The following LMX1A variants were observed in gnomAD, a reference collection of about 807,000 sequenced individuals.
LMX1A encodes the protein LIM homeobox transcription factor 1-alpha.
In LMX1A, 15 loss-of-function variants were observed where a neutral mutation model predicts 49.1. That is an observed-to-expected ratio of 0.31 (90% CI 0.20 to 0.47). LMX1A has a LOEUF of 0.47. Among genes scored for constraint, LMX1A ranks in the 20% least tolerant of loss-of-function variants. The probability of loss-of-function intolerance (pLI) is 1.00; values close to 1 mark genes in which losing one functional copy is unlikely to be tolerated. For missense variants in LMX1A, 372 were observed against 475.8 expected, an observed-to-expected ratio of 0.78 and a Z score of 2.03; for synonymous variants, 167 against 185.7, an observed-to-expected ratio of 0.90 and a Z score of 0.82.
At chr1:165,238,396 TATAAAC>T (rs1165053482) in intron 4 of LMX1A, among the ~76,000 whole-genome samples, 1 of 152,204 alleles carries the variant, frequency 6.6e-6, no homozygotes, top group Non-Finnish European at 1.5e-5. Flanking sequence ...GTTGAATAAT[TATAAAC>T]ATAAAACAAA....
At chr1:165,290,724 T>G (rs1654444292) in intron 3 of LMX1A, among the ~76,000 whole-genome samples, 2 of 152,192 alleles carry the variant, frequency 1.3e-5, no homozygotes, top group Admixed American at 6.5e-5. Flanking sequence ...GATCACAGAC[T>G]CTCAGATTTG....
rs565517132 is a variant in LMX1A, at chr1:165,281,803, T to C, written c.264-32163A>G. Reference sequence around the variant, plus strand: ...AGCCACTGTCCTTTCAAAATGAAGCTATATTGCTTAGCATATTGATAAATG... The same window carrying C: ...AGCCACTGTCCTTTCAAAATGAAGCCATATTGCTTAGCATATTGATAAATG... On this transcript the variant is annotated intron_variant, in intron 3 of 8. Coordinates refer to ENST00000342310, the MANE Select transcript of LMX1A (RefSeq NM_177398.4). Among the ~76,000 whole-genome samples the C allele has an allele frequency of 3.3e-5, 5 of 152,194 alleles. No homozygotes were observed. In the East Asian group the frequency reaches 9.7e-4, roughly 29 times the overall value.
chr1:165,242,224 G>A (rs554344857), intron 4 of LMX1A, among the ~76,000 whole-genome samples: 2 of 152,300 alleles, frequency 1.3e-5, no homozygotes, highest in East Asian at 1.9e-4. Flanking sequence ...TCGCAGAGCA[G>A]TTCAGACTGC....
intron 3 of LMX1A, among the ~76,000 whole-genome samples, chr1:165,336,864 T>C (rs1330316887): frequency 6.6e-6 from 1 of 152,184 alleles, no homozygotes; most frequent in Non-Finnish European, 1.5e-5. Context: ...ACAAACAATA[T>C]ATTTAAATAC....
intron 3 of LMX1A, among the ~76,000 whole-genome samples, chr1:165,261,696 T>C (rs1653446033): frequency 6.6e-6 from 1 of 152,162 alleles, no homozygotes. Context: ...AATGGAATAT[T>C]ATTCAGCCTT....
intron 3 of LMX1A, among the ~76,000 whole-genome samples, chr1:165,286,035 T>A (rs1162511800): frequency 6.6e-6 from 1 of 152,164 alleles, no homozygotes; most frequent in Non-Finnish European, 1.5e-5. Context: ...CCCTGAGTGG[T>A]TGCTGTACAG....
intron 3 of LMX1A, among the ~76,000 whole-genome samples, chr1:165,314,618 T>A (rs76177241): frequency 2.0e-5 from 3 of 152,304 alleles, no homozygotes; most frequent in Admixed American, 6.5e-5. Context: ...TCTTTTTTTT[T>A]ATTACCTCTC....
intron 3 of LMX1A, among the ~76,000 whole-genome samples, chr1:165,340,235 T>C (rs1459824425): frequency 6.6e-6 from 1 of 152,106 alleles, no homozygotes; most frequent in Non-Finnish European, 1.5e-5. Context: ...CCCGAGTACA[T>C]GGGACCACAG....
chr1:165,317,326 T>G (rs875822), intron 3 of LMX1A, among the ~76,000 whole-genome samples: 19,468 of 152,196 alleles, frequency 0.13, 1,484 homozygotes, highest in African/African-American at 0.2. Flanking sequence ...TACCTGAATA[T>G]TTTTACAGGG....
At chr1:165,317,151 G>GCA (rs1341319803) in intron 3 of LMX1A, among the ~76,000 whole-genome samples, 1 of 152,170 alleles carries the variant, frequency 6.6e-6, no homozygotes. Context: ...GCTTATCTGA[G>GCA]GGGTGCTCTG....
intron 3 of LMX1A, among the ~76,000 whole-genome samples, chr1:165,348,419 A>G (rs973634054): frequency 4.8e-4 from 73 of 152,204 alleles, no homozygotes; most frequent in African/African-American, 1.7e-3. Context: ...TCCAAAATTA[A>G]AAAGAGAGAA....
Position 165,202,385 on chromosome 1 carries a change from G to A in LMX1A, c.*1495C>T, listed in dbSNP as rs1161758794. The A allele has an allele frequency of 6.6e-6, 1 of 152,604 alleles. No individual in the cohort carries two copies. The highest frequency in any genetic ancestry group is 1.9e-4 in the East Asian group (1 of 5,176). 9.5% of individuals were successfully genotyped at this position (152,604 alleles called of 1,614,324 possible). A position where few individuals can be genotyped will look rare whatever the true frequency, so the allele number is the denominator to read the frequency against. ...TCTGTGCCGAGGATCAGAGGAGTGA[G>A]TTGGAAGGAAGAGCCAAGGGTTTCC... On this transcript the variant is annotated 3_prime_UTR_variant, in exon 9 of 9. Coordinates refer to ENST00000342310, the MANE Select transcript of LMX1A (RefSeq NM_177398.4).
chr1:165,324,042 A>G (rs771594548), intron 3 of LMX1A, among the ~76,000 whole-genome samples: 88 of 152,224 alleles, frequency 5.8e-4, no homozygotes, highest in Admixed American at 1.3e-3. Flanking sequence ...ATGTAGCTAC[A>G]CTAATAGCCT....
At chr1:165,305,208 G>A (rs181152971) in intron 3 of LMX1A, among the ~76,000 whole-genome samples, 6 of 152,222 alleles carry the variant, frequency 3.9e-5, no homozygotes, top group Non-Finnish European at 5.9e-5. Flanking sequence ...AACAGGTAGC[G>A]GTAATTTAGC....
chr1:165,248,618 G>A (rs979914712), intron 4 of LMX1A, among the ~76,000 whole-genome samples: 7 of 152,142 alleles, frequency 4.6e-5, no homozygotes, highest in Non-Finnish European at 7.3e-5. Context: ...AGGGAGGGTC[G>A]AGCGGGTGGT....
chr1:165,223,672 A>G (rs1255925045), intron 4 of LMX1A, among the ~76,000 whole-genome samples: 1 of 152,176 alleles, frequency 6.6e-6, no homozygotes, highest in African/African-American at 2.4e-5. Context: ...CCAAATACCC[A>G]GAGCACGTGT....
chr1:165,327,207 G>C (rs1030284290), intron 3 of LMX1A, among the ~76,000 whole-genome samples: 5 of 152,138 alleles, frequency 3.3e-5, no homozygotes, highest in Admixed American at 2.6e-4. Flanking sequence ...AGAGATATAA[G>C]GAGAGGACTG....
chr1:165,284,993 G>T (rs947119278), intron 3 of LMX1A, among the ~76,000 whole-genome samples: 1 of 152,218 alleles, frequency 6.6e-6, no homozygotes, highest in African/African-American at 2.4e-5. Flanking sequence ...GGTTGACCTT[G>T]CCTGGCTATG....
intron 3 of LMX1A, among the ~76,000 whole-genome samples, chr1:165,331,649 G>T (rs141910804): frequency 1.3e-5 from 2 of 152,322 alleles, no homozygotes; most frequent in South Asian, 4.1e-4. Flanking sequence ...GGGCACGGTG[G>T]CTCACACCTG....
Sources: gnomAD v4.1 joint callset for allele counts (sites outside exome capture counted in the v4.1 genomes callset) on GRCh38, gnomAD v4.1.1 for gene constraint, MANE v1.5 for transcripts, NCBI Gene and HGNC (gene_info 2026-07-23, HGNC 2026-07-21) for gene names.